Variants in SSBP3 observed in about 807,000 individuals in gnomAD.
SSBP3 encodes the protein single stranded DNA binding protein 3.
Under a neutral mutation model 69.6 loss-of-function variants are expected in SSBP3, and 5 were observed. The observed-to-expected ratio is 0.07, with a 90% CI of 0.04 to 0.15. The LOEUF is 0.15. Among genes scored for constraint, SSBP3 ranks in the 10% least tolerant of loss-of-function variants. The probability of loss-of-function intolerance (pLI) is 1.00; values close to 1 mark genes in which losing one functional copy is unlikely to be tolerated. For missense variants in SSBP3, 312 were observed against 534.0 expected (o/e 0.58, Z 4.10); for synonymous variants, 196 against 193.4 (o/e 1.01, Z -0.11).
chr1:54,285,050 A>G (rs1645463539), intron 4 of SSBP3, among the ~76,000 whole-genome samples: 1 of 152,234 alleles, frequency 6.6e-6, no homozygotes, highest in Admixed American at 6.5e-5. Flanking sequence ...GCATTGACTA[A>G]GGGGCAGGAA....
In SSBP3 at chr1:54,359,062, A is replaced by C. The variant is rs1646912105; in HGVS notation, c.276+42799T>G. Among the ~76,000 whole-genome samples, 3 of 152,194 alleles carry C rather than the reference A, an allele frequency of 2.0e-5. No homozygotes were observed. The South Asian group carries it at 6.2e-4, about 32-fold the overall frequency. On this transcript the variant is annotated intron_variant, in intron 4 of 17. Coordinates refer to ENST00000610401, the Ensembl canonical transcript of SSBP3. ...GGTCAGTTGTGGAAGTCACATTATC[A>C]GAAGAACATTGGCAAACCAGAAGCC...
At chr1:54,396,972 G>A (rs954133784) in intron 4 of SSBP3, among the ~76,000 whole-genome samples, 1 of 152,204 alleles carries the variant, frequency 6.6e-6, no homozygotes, top group Non-Finnish European at 1.5e-5. Flanking sequence ...GAGTCTGGCA[G>A]CCTCTGGGGT....
At chr1:54,297,698 C>G (rs1432702961) in intron 4 of SSBP3, among the ~76,000 whole-genome samples, 1 of 152,184 alleles carries the variant, frequency 6.6e-6, no homozygotes, top group African/African-American at 2.4e-5. Flanking sequence ...CCTGGATAAT[C>G]AAAGGAGCTG....
chr1:54,353,937 G>A (rs1646822795), intron 4 of SSBP3, among the ~76,000 whole-genome samples: 2 of 152,170 alleles, frequency 1.3e-5, no homozygotes, highest in Non-Finnish European at 2.9e-5. Context: ...AGATGAGGAG[G>A]AGACTGCAGC....
intron 5 of SSBP3, among the ~76,000 whole-genome samples, chr1:54,260,857 C>A (rs1418010158): frequency 6.6e-6 from 1 of 152,232 alleles, no homozygotes; most frequent in East Asian, 1.9e-4. Context: ...TTGGCCCAGG[C>A]CTGCCAGTCA....
chr1:54,316,647 C>T (rs1174836902), intron 4 of SSBP3, among the ~76,000 whole-genome samples: 2 of 34,084 alleles, frequency 5.9e-5, no homozygotes, highest in African/African-American at 3.3e-4. Flanking sequence ...GACTCCGTCT[C>T]AAAAAAAAAA....
At chr1:54,377,600 C>T (rs1162279397) in intron 4 of SSBP3, among the ~76,000 whole-genome samples, 1 of 152,226 alleles carries the variant, frequency 6.6e-6, no homozygotes, top group Non-Finnish European at 1.5e-5. Flanking sequence ...TGGAGCATTT[C>T]CAGCGACAGA....
Position 54,281,426 on chromosome 1 carries a change from C to T in SSBP3, c.366+12G>A, listed in dbSNP as rs1350457780. ...CAAGGTGGAGCACAAGACCCACGGGCCCCGCACGTACCTGAAAGAAACCTG... is the reference window on the plus strand; with the variant it reads ...CAAGGTGGAGCACAAGACCCACGGGTCCCGCACGTACCTGAAAGAAACCTG... On this transcript the variant is annotated intron_variant, in intron 5 of 17. Coordinates refer to ENST00000610401, the Ensembl canonical transcript of SSBP3. The T allele has an allele frequency of 1.3e-6, 2 of 1,550,956 alleles. No individual in the cohort carries two copies. The highest frequency in any genetic ancestry group is 8.7e-7 in the Non-Finnish European group (1 of 1,146,866).
rs992672578 is a variant in SSBP3 at position 54,354,630 on chromosome 1, G to A, written c.276+47231C>T. On this transcript the variant is annotated intron_variant, in intron 4 of 17. Coordinates refer to ENST00000610401, the Ensembl canonical transcript of SSBP3. ...GAGCTTACAACCGAGATGGGGAGGG[G>A]GAGTGAGCCACCTGAAGTCCCAGTA... is the stretch of plus-strand genomic sequence containing the variant. Among the ~76,000 whole-genome samples the A allele has an allele frequency of 2.6e-5, 4 of 152,072 alleles. No individual in the cohort carries two copies. The South Asian group carries it at 8.3e-4, about 32-fold the overall frequency.
intron 4 of SSBP3, among the ~76,000 whole-genome samples, chr1:54,348,532 T>C (rs1205800221): frequency 1.3e-5 from 2 of 152,100 alleles, no homozygotes; most frequent in Non-Finnish European, 2.9e-5. Context: ...GCTCCCACAG[T>C]GAGAATACCA....
At chr1:54,280,154 A>C (rs1388209171) in intron 5 of SSBP3, among the ~76,000 whole-genome samples, 1 of 152,156 alleles carries the variant, frequency 6.6e-6, no homozygotes, top group East Asian at 1.9e-4. Flanking sequence ...CCTGAATTTC[A>C]CTGCCGTCCT....
At chr1:54,404,817 G>GGGGT in intron 2 of SSBP3, 41 bp downstream of exon 2, 5 of 1,074,308 alleles carry the variant, frequency 4.7e-6, no homozygotes, top group Non-Finnish European at 6.8e-6. Context: ...GTGGGGGGGG[G>GGGGT]GGGTGTCAAG....
upstream of SSBP3, among the ~76,000 whole-genome samples, chr1:54,406,920 G>T (rs996707712): frequency 6.9e-6 from 1 of 144,906 alleles, no homozygotes; most frequent in African/African-American, 2.6e-5. Context: ...CCTAGGCTCC[G>T]ACCCCGACCC....
intron 4 of SSBP3, among the ~76,000 whole-genome samples, chr1:54,354,154 C>A (rs1057394868): frequency 1.3e-5 from 2 of 152,250 alleles, no homozygotes. Context: ...CCAGCGCATA[C>A]CACTGTCTGC....
chr1:54,239,241 G>A (rs376505077), intron 13 of SSBP3, 42 bp from the exon 14 acceptor site: 142 of 1,514,608 alleles, frequency 9.4e-5, no homozygotes, highest in African/African-American at 3.8e-4. Context: ...TGATTAATTC[G>A]TTTCTTAATT....
intron 5 of SSBP3, among the ~76,000 whole-genome samples, chr1:54,276,340 T>C (rs1424788076): frequency 6.6e-6 from 1 of 151,976 alleles, no homozygotes; most frequent in Admixed American, 6.6e-5. Context: ...TGGCCGGGCG[T>C]GGTGGCTCAG....
intron 4 of SSBP3, among the ~76,000 whole-genome samples, chr1:54,335,330 G>A (rs564505809): frequency 8.5e-5 from 13 of 152,250 alleles, no homozygotes; most frequent in South Asian, 4.2e-4. Flanking sequence ...ATTACATTCC[G>A]ACAATGTTTC....
At chr1:54,276,821 T>C (rs1385561178) in intron 5 of SSBP3, among the ~76,000 whole-genome samples, 1 of 151,972 alleles carries the variant, frequency 6.6e-6, no homozygotes, top group East Asian at 1.9e-4. Flanking sequence ...CCTTCAACAA[T>C]TGCCCGGCAA....
At chr1:54,341,848 G>A (rs995007306) in intron 4 of SSBP3, among the ~76,000 whole-genome samples, 1 of 152,050 alleles carries the variant, frequency 6.6e-6, no homozygotes, top group East Asian at 1.9e-4. Flanking sequence ...AACCTGGAGA[G>A]CAGGGAGAGA....
Sources: allele counts gnomAD v4.1 joint callset (sites outside exome capture counted in the v4.1 genomes callset), GRCh38; gene constraint gnomAD v4.1.1; transcripts MANE v1.5; gene names NCBI Gene and HGNC (gene_info 2026-07-23, HGNC 2026-07-21).